Variants in MARCO observed in about 807,000 individuals in gnomAD.
The protein encoded by MARCO is macrophage receptor MARCO.
A neutral mutation model predicts 70.0 loss-of-function variants in MARCO; 72 were observed. That is an observed-to-expected ratio of 1.03 (90% CI 0.85 to 1.25). The LOEUF is 1.25. MARCO is among the 50% of genes most tolerant of loss of function. The pLI, the probability that MARCO is intolerant of heterozygous loss-of-function variation, is 0.00. For synonymous variants in MARCO, 273 were observed against 243.1 expected (o/e 1.12, Z -1.14); for missense variants, 696 against 659.3 (o/e 1.06, Z -0.61).
intron 12 of MARCO, among the ~76,000 whole-genome samples, chr2:118,986,688 A>AAGGAAG (rs1558671856): frequency 3.7e-5 from 3 of 80,408 alleles, no homozygotes; most frequent in Admixed American, 1.2e-4. Flanking sequence ...AAAGAAAGAA[A>AAGGAAG]GAAAGAAAGA....
At position 118,978,963 on chromosome 2, in the gene MARCO, G is replaced by A. The variant is rs76787314; in HGVS notation, c.766+1028G>A. Among the ~76,000 whole-genome samples the A allele has an allele frequency of 7.9e-3, 1,205 of 152,182 alleles. 11 individuals carry two copies. Among genetic ancestry groups the A allele is most frequent in the Non-Finnish European group, 0.013 (902 of 68,026 alleles). ...ATGGCTCACTAACTGTGTGACCTTG[G>A]GCAAATGAATTAACCTCTCTTAGCC... is the stretch of plus-strand genomic sequence containing the variant. On this transcript the variant is annotated intron_variant, in intron 8 of 16. Coordinates refer to ENST00000327097, the MANE Select transcript of MARCO (RefSeq NM_006770.4).
At chr2:118,991,460 C>T (rs1451573901) in intron 13 of MARCO, among the ~76,000 whole-genome samples, 1 of 152,050 alleles carries the variant, frequency 6.6e-6, no homozygotes, top group Non-Finnish European at 1.5e-5. Flanking sequence ...AAGGAGACAT[C>T]GAGGCTTAGA....
chr2:118,992,978 TG>T, intron 15 of MARCO, 145 bp from the exon 16 acceptor site: 1 of 748,028 alleles, frequency 1.3e-6, no homozygotes, highest in Non-Finnish European at 2.2e-6. Flanking sequence ...CACTGTAAAG[TG>T]GGATCTTCCA....
intron 6 of MARCO, 51 bp downstream of exon 6, chr2:118,974,616 G>A (rs1370476906): frequency 1.9e-6 from 3 of 1,560,302 alleles, no homozygotes; most frequent in African/African-American, 2.7e-5. Flanking sequence ...GTTTCTCAGA[G>A]TGACTGCTGT....
intron 1 of MARCO, among the ~76,000 whole-genome samples, chr2:118,958,108 T>G (rs1257552757): frequency 6.6e-6 from 1 of 151,804 alleles, no homozygotes; most frequent in African/African-American, 2.4e-5. Context: ...GGATGCTCAC[T>G]CTCACCACTC....
chr2:118,991,800 C>T lies in MARCO; in HGVS notation c.1132C>T (p.Gln378Ter), dbSNP rs1680626747. 2 of 1,594,466 alleles carry T rather than the reference C, an allele frequency of 1.3e-6. No individual in the cohort carries two copies. The highest frequency in any genetic ancestry group is 1.7e-4 in the Middle Eastern group (1 of 6,028). ...AGGCCCTGCAGGTGTGAAGGGAGAA[C>T]AGGGGAGCCCAGGGCTGGCAGGTCC... The part of the protein sequence containing the change: ...VPGPAGVKGE[Q>*]GSPGLAGPKG... The change falls in exon 14 of 17, where the codon CAG becomes TAG. Residue 378 changes from glutamine to a stop codon, truncating the protein, a stop_gained. Transcript: ENST00000327097. LOFTEE classifies it high-confidence loss of function.
chr2:118,963,364 C>A (rs1199524625), intron 1 of MARCO, among the ~76,000 whole-genome samples: 1 of 151,602 alleles, frequency 6.6e-6, no homozygotes, highest in Non-Finnish European at 1.5e-5. Context: ...TATAGAAGTC[C>A]TTTTTTAAAT....
chr2:118,949,829 A>G (rs1237312072), intron 1 of MARCO: 1 of 152,190 alleles, frequency 6.6e-6, no homozygotes, highest in Non-Finnish European at 1.5e-5. Flanking sequence ...GGCTGGCCCG[A>G]GTTTCCCTTC....
chr2:118,969,715 A>C (rs1680125631), intron 2 of MARCO, among the ~76,000 whole-genome samples: 1 of 152,310 alleles, frequency 6.6e-6, no homozygotes, highest in East Asian at 1.9e-4. Context: ...ACGCTGAATG[A>C]GCAGTTGTCA....
chr2:118,968,290 C>G (rs910497549), intron 1 of MARCO, among the ~76,000 whole-genome samples: 1 of 152,144 alleles, frequency 6.6e-6, no homozygotes, highest in African/African-American at 2.4e-5. Context: ...AAACTGGAAA[C>G]AGCTCATTAA....
chr2:118,954,565 T>C (rs1679792811), intron 1 of MARCO, among the ~76,000 whole-genome samples: 2 of 152,310 alleles, frequency 1.3e-5, no homozygotes, highest in Admixed American at 1.3e-4. Flanking sequence ...TCCACACTAC[T>C]ACAGCTGATG....
At chr2:118,991,934 T>C (rs1001943660) in intron 14 of MARCO, 59 bp downstream of exon 14, 2 of 1,189,300 alleles carry the variant, frequency 1.7e-6, no homozygotes, top group African/African-American at 1.5e-5. Flanking sequence ...GCCAGTTCTG[T>C]ACCTTAAAAT....
At chr2:118,951,922 T>G (rs1027753150) in intron 1 of MARCO, among the ~76,000 whole-genome samples, 6 of 152,008 alleles carry the variant, frequency 3.9e-5, no homozygotes, top group African/African-American at 1.5e-4. Flanking sequence ...ACTCCCTCTT[T>G]GTCTCTCCGC....
rs150852591 is a variant in MARCO, at chr2:118,969,173, G to T, written c.111G>T (p.Lys37Asn). ...EPFEINVPKP[K>N]RRNGVNFSLA... ...CTTGTGTTTCAGTTCCAAAGCCCAA[G>T]AGGAGAAATGGGGTGAACTTCTCCC... Residue 37 changes from lysine to asparagine, a missense_variant, in exon 2 of 17, where the codon AAG becomes AAT. This residue lies in a region of MARCO where 605 missense variants were observed against 537.6 expected (regional missense o/e 1.13). Transcript: ENST00000327097. The T allele has an allele frequency of 1.9e-6, 3 of 1,613,722 alleles. No individual in the cohort carries two copies. The highest frequency in any genetic ancestry group is 2.5e-6 in the Non-Finnish European group (3 of 1,179,558).
At chr2:118,944,515 T>C (rs995989649) in intron 1 of MARCO, among the ~76,000 whole-genome samples, 6 of 152,192 alleles carry the variant, frequency 3.9e-5, no homozygotes, top group Non-Finnish European at 8.8e-5. Flanking sequence ...TGAAAATACA[T>C]TATCTTAAAA....
chr2:118,952,723 G>A (rs555392753), intron 1 of MARCO: 2 of 152,318 alleles, frequency 1.3e-5, no homozygotes, highest in African/African-American at 2.4e-5. Flanking sequence ...CGCACCAGGT[G>A]GGTCTTGGTC....
intron 6 of MARCO, 70 bp downstream of exon 6, chr2:118,974,635 G>A: frequency 7.0e-7 from 1 of 1,438,348 alleles, no homozygotes; most frequent in South Asian, 1.2e-5. Flanking sequence ...GTGGGCTGCA[G>A]ACGCAGCCTC....
At chr2:118,971,352 G>A (rs1239449416) in intron 3 of MARCO, 147 bp from the exon 4 acceptor site, 9 of 772,826 alleles carry the variant, frequency 1.2e-5, no homozygotes, top group Non-Finnish European at 1.8e-5. Context: ...CAGGTGCTTG[G>A]CTCCTGTTGT....
chr2:118,946,445 G>C (rs1180922585), intron 1 of MARCO, among the ~76,000 whole-genome samples: 1 of 152,058 alleles, frequency 6.6e-6, no homozygotes, highest in Non-Finnish European at 1.5e-5. Flanking sequence ...CTTTAAGATT[G>C]ATTTTTTTTT....
Sources: allele counts gnomAD v4.1 joint callset (sites outside exome capture counted in the v4.1 genomes callset), GRCh38; gene constraint gnomAD v4.1.1; regional missense constraint gnomAD v4.1.1; transcripts MANE v1.5; gene names NCBI Gene and HGNC (gene_info 2026-07-23, HGNC 2026-07-21).